The following METTL25B variants were observed in gnomAD, a reference collection of about 807,000 sequenced individuals.
The protein encoded by METTL25B is methyltransferase-like protein 25B.
METTL25B carries 38 observed loss-of-function variants against 48.4 expected under a neutral mutation model. The ratio of observed to expected loss-of-function variants is 0.78; its 90% CI spans 0.61 to 1.03. METTL25B has a LOEUF of 1.03. METTL25B is among the 50% of genes least tolerant of loss of function. The pLI is 0.00. For synonymous variants in METTL25B, 230 were observed against 254.5 expected (o/e 0.90, Z 0.92); for missense variants, 537 against 603.7 (o/e 0.89, Z 1.16).
intron 5 of METTL25B, 190 bp downstream of exon 5, chr1:156,733,710 A>G: frequency 1.4e-6 from 1 of 691,288 alleles, no homozygotes; most frequent in Non-Finnish European, 2.4e-6. Context: ...CTTTCTATTT[A>G]CAAAGTGCTT....
intron 1 of METTL25B, among the ~76,000 whole-genome samples, chr1:156,730,916 GAGA>G (rs1188400775): frequency 1.3e-5 from 2 of 152,202 alleles, no homozygotes; most frequent in African/African-American, 4.8e-5. Flanking sequence ...GTACCTGGCC[GAGA>G]AGGTGTTAAA....
chr1:156,732,835 T>G, intron 3 of METTL25B, 150 bp from the exon 4 acceptor site: 1 of 682,588 alleles, frequency 1.5e-6, no homozygotes, highest in Non-Finnish European at 2.5e-6. Context: ...CCCTCACCCT[T>G]ATATCTTTCT....
At chr1:156,732,727 C>T (rs571990395) in intron 3 of METTL25B, among the ~76,000 whole-genome samples, 4 of 152,240 alleles carry the variant, frequency 2.6e-5, no homozygotes, top group Admixed American at 6.5e-5. Flanking sequence ...CATGGCTTCA[C>T]GCAGGGTTCT....
intron 7 of METTL25B, 82 bp from the exon 8 acceptor site, chr1:156,736,550 G>A (rs1649820668): frequency 1.3e-6 from 2 of 1,542,710 alleles, no homozygotes; most frequent in South Asian, 1.2e-5. Flanking sequence ...TGGGGAAAAG[G>A]GACTATGCCT....
At chr1:156,735,657 G>A (rs757032387) in intron 6 of METTL25B, 68 bp from the exon 7 acceptor site, 361 of 1,362,082 alleles carry the variant, frequency 2.7e-4, no homozygotes, top group Non-Finnish European at 3.4e-4. Flanking sequence ...TTAGGAACAA[G>A]CAAAGTTTAA....
In METTL25B at chr1:156,728,582, G is replaced by C. The variant is rs1247325701; in HGVS notation, c.-523G>C. 6.1e-6 allele frequency: 6 copies of C among 985,272 alleles called. No individual in the cohort carries two copies. The highest frequency in any genetic ancestry group is 7.2e-6 in the Non-Finnish European group (6 of 829,806). The allele number at this position is 985,272 out of a possible 1,614,324, so 61.0% of individuals were successfully genotyped here. Reference sequence around the variant, plus strand: ...CAGGTAGTGAGGCCAGTGATTCCGAGTGTGTGAGGAGCGGCAGTGGCGGCG... The same window carrying C: ...CAGGTAGTGAGGCCAGTGATTCCGACTGTGTGAGGAGCGGCAGTGGCGGCG... On this transcript the variant is annotated 5_prime_UTR_variant, in exon 1 of 8. Transcript: ENST00000368216.
At chr1:156,734,828 G>A (rs1649614828) in intron 6 of METTL25B, among the ~76,000 whole-genome samples, 1 of 64,752 alleles carries the variant, frequency 1.5e-5, no homozygotes, top group South Asian at 1.0e-3. Context: ...ACCGCACCCG[G>A]CCTGGAGGGG....
intron 1 of METTL25B, 132 bp from the exon 2 acceptor site, chr1:156,731,859 C>G (rs893029991): frequency 1.9e-5 from 22 of 1,161,292 alleles, no homozygotes; most frequent in Middle Eastern, 2.5e-4. Context: ...AGGTACCTGC[C>G]AGTTACAGGC....
chr1:156,735,980 C>G lies in METTL25B; in HGVS notation c.1306+71C>G, dbSNP rs1488494091. On this transcript the variant is annotated intron_variant, in intron 7 of 7. Coordinates refer to ENST00000368216, the MANE Select transcript of METTL25B (RefSeq NM_015997.4). Reference sequence around the variant, plus strand: ...GTTCTGGGGCTCCTTCTCCAAGTCCCAGCCCCAACATCTTCTGGGCCTAGC... The same window carrying G: ...GTTCTGGGGCTCCTTCTCCAAGTCCGAGCCCCAACATCTTCTGGGCCTAGC... 1.3e-5 allele frequency: 17 copies of G among 1,340,758 alleles called. No homozygotes were observed. In the East Asian group the frequency reaches 3.8e-4, roughly 30 times the overall value. The allele number at this position is 1,340,758 out of a possible 1,614,324, so 83.1% of individuals were successfully genotyped here.
chr1:156,733,413 T>C lies in METTL25B; in HGVS notation c.529T>C (p.Leu177=). ...CCGCTTCATGGCTCTTGGCCTGGGG[T>C]TGATGGTGAAGAGCATCGAAGGGGA... The part of the protein sequence containing the change: ...LSRFMALGLG[L]MVKSIEGDQR... Residue 177 remains leucine, a synonymous_variant, in exon 5 of 8, where the codon TTG becomes CTG. Coordinates refer to ENST00000368216, the MANE Select transcript of METTL25B (RefSeq NM_015997.4). The C allele has an allele frequency of 1.2e-6, 2 of 1,613,708 alleles. No individual in the cohort carries two copies. The highest frequency in any genetic ancestry group is 1.7e-6 in the Non-Finnish European group (2 of 1,179,900).
intron 3 of METTL25B, 83 bp downstream of exon 3, chr1:156,732,556 C>G: frequency 7.5e-7 from 1 of 1,340,604 alleles, no homozygotes; most frequent in Non-Finnish European, 1.0e-6. Context: ...GTGCCCTTTA[C>G]CTCACATGCA....
At chr1:156,729,303 T>G (rs1034315349) in intron 1 of METTL25B, 88 bp downstream of exon 1, 3 of 747,374 alleles carry the variant, frequency 4.0e-6, no homozygotes, top group Non-Finnish European at 7.0e-6. Flanking sequence ...AGAATTAGCC[T>G]CTGATCTCTT....
Position 156,736,628 on chromosome 1 carries a change from C to T in METTL25B, c.1307-4C>T, listed in dbSNP as rs368419419. ...TCCCCTTATGATTAAGCCCTTTCTC[C>T]CAGGTTTCCATGCTGAGCTCCTGCC... On this transcript the variant is annotated splice_polypyrimidine_tract_variant and splice_region_variant and intron_variant, in intron 7 of 7. Coordinates refer to ENST00000368216, the MANE Select transcript of METTL25B (RefSeq NM_015997.4). 1.9e-6 allele frequency: 3 copies of T among 1,613,838 alleles called. No individual in the cohort carries two copies. In the African/African-American group the frequency reaches 4.0e-5, roughly 22 times the overall value.
At chr1:156,731,677 C>T (rs984074997) in intron 1 of METTL25B, among the ~76,000 whole-genome samples, 1 of 152,218 alleles carries the variant, frequency 6.6e-6, no homozygotes, top group African/African-American at 2.4e-5. Context: ...GATACCATCC[C>T]ATCCCTCCCC....
chr1:156,734,575 A>G, intron 6 of METTL25B, 82 bp downstream of exon 6: 2 of 1,405,970 alleles, frequency 1.4e-6, no homozygotes, highest in African/African-American at 1.5e-5. Flanking sequence ...TCTGTTGCCC[A>G]GGCTGGAGTG....
intron 5 of METTL25B, chr1:156,733,744 C>A: frequency 1.5e-6 from 1 of 648,438 alleles, no homozygotes; most frequent in Admixed American, 3.0e-5. Flanking sequence ...ATACTTCTCA[C>A]TACCTGTGAA....
intron 1 of METTL25B, among the ~76,000 whole-genome samples, chr1:156,731,104 T>G (rs189036825): frequency 6.6e-6 from 1 of 152,212 alleles, no homozygotes; most frequent in Admixed American, 6.5e-5. Context: ...ATATGACATA[T>G]GATGTTGTCT....
At chr1:156,735,589 C>CATATATAT (rs1649706307) in intron 6 of METTL25B, 136 bp from the exon 7 acceptor site, 1 of 116,182 alleles carries the variant, frequency 8.6e-6, no homozygotes, top group African/African-American at 8.7e-5. Flanking sequence ...TATATATATG[C>CATATATAT]ACATATGTTC....
chr1:156,733,857 G>A (rs1322298248), intron 5 of METTL25B, 152 bp from the exon 6 acceptor site: 2 of 1,006,460 alleles, frequency 2.0e-6, no homozygotes, highest in Non-Finnish European at 2.9e-6. Flanking sequence ...CCCCTCTCCT[G>A]ACTTGTGGTC....
Sources: allele counts gnomAD v4.1 joint callset (sites outside exome capture counted in the v4.1 genomes callset), GRCh38; gene constraint gnomAD v4.1.1; transcripts MANE v1.5; gene names NCBI Gene and HGNC (gene_info 2026-07-23, HGNC 2026-07-21).